DOCK8: variants seen among roughly 807,000 people sequenced by gnomAD.
DOCK8 encodes dedicator of cytokinesis 8, also known as dedicator of cytokinesis protein 8.
In DOCK8, 141 loss-of-function variants were observed where a neutral mutation model predicts 245.6. That is an observed-to-expected ratio of 0.57 (90% CI 0.50 to 0.66). The LOEUF (loss-of-function observed/expected upper bound fraction) is 0.66. Ranked by LOEUF, DOCK8 falls within the 30% of genes least tolerant of loss-of-function variation. The probability of loss-of-function intolerance (pLI) is 0.00; values close to 1 mark genes in which losing one functional copy is unlikely to be tolerated. For synonymous variants in DOCK8, 1,168 were observed against 970.2 expected, an observed-to-expected ratio of 1.20 and a Z score of -3.79; for missense variants, 2,965 against 2,603.4, an observed-to-expected ratio of 1.14 and a Z score of -3.02.
chr9:301,682 A>T (rs999247149), intron 4 of DOCK8, among the ~76,000 whole-genome samples: 1 of 152,244 alleles, frequency 6.6e-6, no homozygotes. Flanking sequence ...TACAAAAGTC[A>T]ATAACATTTC....
chr9:332,388 T>C lies in DOCK8; in HGVS notation c.1045-10T>C. 1 of 1,592,742 alleles carries C rather than the reference T, an allele frequency of 6.3e-7. No homozygotes were observed. Among genetic ancestry groups the C allele is most frequent in the Non-Finnish European group, 8.6e-7 (1 of 1,160,630 alleles). On this transcript the variant is annotated splice_polypyrimidine_tract_variant and intron_variant, in intron 9 of 47. Coordinates refer to ENST00000432829, the MANE Select transcript of DOCK8 (RefSeq NM_203447.4). ...TATGTGCCTTATTTTAATATTCTTTTTATTGGTAGATTGAAAAAGTCCTGC... is the reference window on the plus strand; with the variant it reads ...TATGTGCCTTATTTTAATATTCTTTCTATTGGTAGATTGAAAAAGTCCTGC...
intron 14 of DOCK8, among the ~76,000 whole-genome samples, chr9:344,982 G>A (rs2051806475): frequency 6.6e-6 from 1 of 152,122 alleles, no homozygotes; most frequent in Admixed American, 6.5e-5. Flanking sequence ...AACCCAGGAG[G>A]CAGAGGTTGC....
In DOCK8 at chr9:265,253, A is replaced by G. The variant is rs1485877508; in HGVS notation, c.54-6374A>G. Among the ~76,000 whole-genome samples, 4 of 149,670 alleles carry G rather than the reference A, an allele frequency of 2.7e-5. No homozygotes were observed. In the Admixed American group the frequency reaches 2.7e-4, roughly 10 times the overall value. On this transcript the variant is annotated intron_variant, in intron 1 of 47. Coordinates refer to ENST00000432829, the MANE Select transcript of DOCK8 (RefSeq NM_203447.4). ...GGCCTAAACCTTGATTTTTAAAAAAATACTACCCTGCCCTAACCTTGTAAC... is the reference window on the plus strand; with the variant it reads ...GGCCTAAACCTTGATTTTTAAAAAAGTACTACCCTGCCCTAACCTTGTAAC...
intron 11 of DOCK8, among the ~76,000 whole-genome samples, chr9:335,255 T>G (rs1462366442): frequency 1.3e-5 from 2 of 152,116 alleles, no homozygotes; most frequent in South Asian, 2.1e-4. Context: ...CATTCATTCC[T>G]ACACTGCTTG....
intron 4 of DOCK8, among the ~76,000 whole-genome samples, chr9:298,898 T>TA (rs531586561): frequency 0.068 from 9,452 of 139,052 alleles, 472 homozygotes; most frequent in African/African-American, 0.14. Flanking sequence ...TACAAGTCCT[T>TA]AAAAAAAAAA....
intron 11 of DOCK8, among the ~76,000 whole-genome samples, chr9:334,613 G>A (rs2051221507): frequency 6.6e-6 from 1 of 152,168 alleles, no homozygotes; most frequent in South Asian, 2.1e-4. Flanking sequence ...CTTATAGTAA[G>A]ATTTTCTAGA....
chr9:398,173 C>A (rs2054550640), intron 25 of DOCK8, among the ~76,000 whole-genome samples: 2 of 152,240 alleles, frequency 1.3e-5, no homozygotes, highest in African/African-American at 4.8e-5. Context: ...GATAAATTTT[C>A]CAAAAGTCAC....
chr9:345,333 G>T (rs7028459), intron 14 of DOCK8, among the ~76,000 whole-genome samples: 1 of 151,852 alleles, frequency 6.6e-6, no homozygotes, highest in Admixed American at 6.6e-5. Context: ...AAGTTGATCT[G>T]CCTGGAGCTT....
In DOCK8 at chr9:446,559, G is replaced by C; in HGVS notation, c.5770G>C (p.Ala1924Pro). 1 of 1,614,200 alleles carries C rather than the reference G, an allele frequency of 6.2e-7. No individual in the cohort carries two copies. Among genetic ancestry groups the C allele is most frequent in the East Asian group, 2.2e-5 (1 of 44,884 alleles). Reference sequence around the variant, plus strand: ...GAACACAGTCCTGACCACTATGCACGCCTTCCCCTACATCAAGACCAGGAT... The same window carrying C: ...GAACACAGTCCTGACCACTATGCACCCCTTCCCCTACATCAAGACCAGGAT... ...RRNTVLTTMH[A>P]FPYIKTRISV... The change falls in exon 44 of 48, where the codon GCC (alanine) becomes CCC (proline). Residue 1924 changes from alanine (A) to proline (P), a missense_variant. Around this residue, in one of 3 missense-constraint regions of DOCK8, gnomAD observed 2,825 missense variants for 2,453.5 expected, o/e 1.15. Coordinates refer to ENST00000432829, the MANE Select transcript of DOCK8 (RefSeq NM_203447.4).
chr9:214,646 G>A (rs931848173), upstream of DOCK8: 15 of 1,610,658 alleles, frequency 9.3e-6, no homozygotes, highest in East Asian at 2.2e-5. Flanking sequence ...TCGTCCGCCC[G>A]CGCTCCCTTC....
At chr9:303,177 A>G (rs2130571458) in intron 4 of DOCK8, among the ~76,000 whole-genome samples, 1 of 152,046 alleles carries the variant, frequency 6.6e-6, no homozygotes, top group African/African-American at 2.4e-5. Flanking sequence ...AAAAAAAGGC[A>G]AAAATTAACA....
intron 14 of DOCK8, among the ~76,000 whole-genome samples, chr9:358,033 G>A (rs767702492): frequency 6.6e-5 from 10 of 152,110 alleles, no homozygotes; most frequent in Non-Finnish European, 1.2e-4. Context: ...CACAGCAAAT[G>A]TTTTGGGTTT....
chr9:290,343 T>A (rs556803469), intron 4 of DOCK8, among the ~76,000 whole-genome samples: 1 of 152,234 alleles, frequency 6.6e-6, no homozygotes, highest in South Asian at 2.1e-4. Flanking sequence ...TGGCCTGAGA[T>A]AATTCTTCTT....
intron 1 of DOCK8, among the ~76,000 whole-genome samples, chr9:219,961 G>A (rs547475586): frequency 6.6e-6 from 1 of 152,292 alleles, no homozygotes; most frequent in Non-Finnish European, 1.5e-5. Context: ...GCTACAGAGA[G>A]CTTTCTGAGA....
chr9:238,925 A>G (rs555671166), intron 1 of DOCK8, among the ~76,000 whole-genome samples: 2 of 151,542 alleles, frequency 1.3e-5, no homozygotes, highest in East Asian at 2.0e-4. Flanking sequence ...CCAGGACGCC[A>G]TCCTATCACA....
intron 1 of DOCK8, chr9:215,593 TGAAGTGGAAAAAGTGA>T: frequency 1.2e-5 from 8 of 681,004 alleles, no homozygotes; most frequent in South Asian, 5.7e-5. Context: ...AAAGGAGCCA[TGAAGTGGAAAAAGTGA>T]TTTTTTAAAA....
At chr9:281,979 C>T (rs2048607348) in intron 2 of DOCK8, among the ~76,000 whole-genome samples, 1 of 152,172 alleles carries the variant, frequency 6.6e-6, no homozygotes, top group Admixed American at 6.5e-5. Flanking sequence ...TGGTGCTTAC[C>T]AGCTCTTCAG....
At chr9:401,506 T>C (rs1467851649) in intron 26 of DOCK8, among the ~76,000 whole-genome samples, 1 of 152,156 alleles carries the variant, frequency 6.6e-6, no homozygotes, top group Non-Finnish European at 1.5e-5. Flanking sequence ...GGGCCCTGTA[T>C]CTGCAAGGCT....
At chr9:311,889 G>T in intron 5 of DOCK8, 65 bp from the exon 6 acceptor site, 1 of 1,590,174 alleles carries the variant, frequency 6.3e-7, no homozygotes, top group African/African-American at 1.3e-5. Flanking sequence ...AGACATCCAA[G>T]ATTCTTCGGT....
Sources: allele counts gnomAD v4.1 joint callset (sites outside exome capture counted in the v4.1 genomes callset), GRCh38; gene constraint gnomAD v4.1.1; regional missense constraint gnomAD v4.1.1; transcripts MANE v1.5; gene names NCBI Gene and HGNC (gene_info 2026-07-23, HGNC 2026-07-21).